Variants in DPYD observed in about 807,000 individuals in gnomAD.
DPYD encodes the protein dihydropyrimidine dehydrogenase [NADP(+)].
Under a neutral mutation model 116.2 loss-of-function variants are expected in DPYD, and 109 were observed. That is an observed-to-expected ratio of 0.94 (90% CI 0.80 to 1.10). The LOEUF is 1.10. Among genes scored for constraint, DPYD ranks in the 50% least tolerant of loss-of-function variants. The pLI, the probability that DPYD is intolerant of heterozygous loss-of-function variation, is 0.00. For synonymous variants in DPYD, 440 were observed against 432.0 expected (o/e 1.02, Z -0.23); for missense variants, 1,302 against 1,254.5 (o/e 1.04, Z -0.57).
chr1:97,496,144 T>C (rs1210110581), intron 13 of DPYD, among the ~76,000 whole-genome samples: 1 of 152,056 alleles, frequency 6.6e-6, no homozygotes. Flanking sequence ...ACTTCTCTCT[T>C]CCCATATCTA....
chr1:97,408,743 G>A (rs1015191804), intron 14 of DPYD, among the ~76,000 whole-genome samples: 1 of 152,126 alleles, frequency 6.6e-6, no homozygotes, highest in African/African-American at 2.4e-5. Context: ...CTCAATCTGG[G>A]TAGGCACCAT....
At chr1:97,866,437 T>G (rs1173173385) in intron 2 of DPYD, among the ~76,000 whole-genome samples, 1 of 151,982 alleles carries the variant, frequency 6.6e-6, no homozygotes, top group African/African-American at 2.4e-5. Context: ...TGACTGTATT[T>G]TTTATATCAT....
Position 97,610,362 on chromosome 1 carries a change from G to A in DPYD, c.851-15196C>T, listed in dbSNP as rs373104725. On this transcript the variant is annotated intron_variant, in intron 8 of 22. Transcript: ENST00000370192. ...CACATTGAGCTGTGATACCACAGCC[G>A]ACTCCCTTGTGTGACCTGTGATCAA... Among the ~76,000 whole-genome samples, 29 of 152,094 alleles carry A rather than the reference G, an allele frequency of 1.9e-4. No homozygotes were observed. The East Asian group carries it at 1.9e-3, about 10-fold the overall frequency.
chr1:97,244,387 G>T (rs564226596), intron 18 of DPYD, among the ~76,000 whole-genome samples: 1 of 151,962 alleles, frequency 6.6e-6, no homozygotes, highest in South Asian at 2.1e-4. Flanking sequence ...ACAATTACCC[G>T]ACAACACAGC....
intron 18 of DPYD, among the ~76,000 whole-genome samples, chr1:97,257,065 A>G (rs1215408525): frequency 6.6e-6 from 1 of 152,086 alleles, no homozygotes; most frequent in Non-Finnish European, 1.5e-5. Context: ...CATACAAAAA[A>G]CAATGTGCTT....
intron 8 of DPYD, among the ~76,000 whole-genome samples, chr1:97,617,017 CA>C (rs1420041289): frequency 2.6e-5 from 4 of 152,112 alleles, no homozygotes; most frequent in Admixed American, 1.3e-4. Flanking sequence ...TCCTGGCCAA[CA>C]TGGTGAAAAC....
intron 18 of DPYD, 39 bp downstream of exon 18, chr1:97,305,220 C>A: frequency 1.9e-6 from 3 of 1,611,216 alleles, no homozygotes; most frequent in South Asian, 1.1e-5. Flanking sequence ...TTTCAGCAAC[C>A]TCCAAGAAAG....
chr1:97,385,224 A>T (rs768083171), intron 14 of DPYD, among the ~76,000 whole-genome samples: 2 of 146,040 alleles, frequency 1.4e-5, no homozygotes, highest in Non-Finnish European at 3.0e-5. Context: ...ACTATCAAAG[A>T]GGGCACCAGA....
At chr1:97,780,375 A>G (rs1364842568) in intron 3 of DPYD, among the ~76,000 whole-genome samples, 1 of 152,220 alleles carries the variant, frequency 6.6e-6, no homozygotes, top group Non-Finnish European at 1.5e-5. Context: ...AAAATTCACT[A>G]AAACTTGTTT....
chr1:97,881,122 C>T (rs1672197434), intron 2 of DPYD, among the ~76,000 whole-genome samples: 1 of 152,004 alleles, frequency 6.6e-6, no homozygotes, highest in Non-Finnish European at 1.5e-5. Flanking sequence ...TATATCTCCT[C>T]AAAAATCTTA....
intron 13 of DPYD, among the ~76,000 whole-genome samples, chr1:97,491,500 T>A (rs1678975616): frequency 6.6e-6 from 1 of 151,972 alleles, no homozygotes; most frequent in Admixed American, 6.6e-5. Context: ...TTTTTTAAGC[T>A]GATTTTGAGG....
intron 1 of DPYD, among the ~76,000 whole-genome samples, chr1:97,887,087 A>C (rs1672533904): frequency 6.6e-6 from 1 of 151,998 alleles, no homozygotes; most frequent in African/African-American, 2.4e-5. Context: ...ACCTGATAAA[A>C]CCAGGGACAC....
intron 20 of DPYD, among the ~76,000 whole-genome samples, chr1:97,144,847 C>A (rs1361482209): frequency 6.6e-6 from 1 of 152,180 alleles, no homozygotes; most frequent in African/African-American, 2.4e-5. Flanking sequence ...TCTTACAAAT[C>A]ACTTTCTTAT....
intron 16 of DPYD, among the ~76,000 whole-genome samples, chr1:97,333,517 ATTT>A (rs778577478): frequency 2.1e-5 from 2 of 97,040 alleles, no homozygotes; most frequent in African/African-American, 4.2e-5. Flanking sequence ...AAGTCTTAGG[ATTT>A]TTTTTTTTTT....
chr1:97,911,386 A>T (rs1673927172), intron 1 of DPYD, among the ~76,000 whole-genome samples: 1 of 152,126 alleles, frequency 6.6e-6, no homozygotes, highest in East Asian at 1.9e-4. Context: ...GAAAAGACAG[A>T]GCCTTAAGCA....
intron 18 of DPYD, among the ~76,000 whole-genome samples, chr1:97,240,604 G>A (rs983601280): frequency 6.6e-6 from 1 of 151,966 alleles, no homozygotes; most frequent in Non-Finnish European, 1.5e-5. Context: ...AAAAGAAAAT[G>A]TAGTTTTAAT....
chr1:97,818,433 T>G (rs1480496452), intron 3 of DPYD, among the ~76,000 whole-genome samples: 2 of 152,056 alleles, frequency 1.3e-5, no homozygotes, highest in East Asian at 3.8e-4. Flanking sequence ...TAATCAATAT[T>G]TCTCACCTTT....
chr1:97,162,213 C>T (rs571578890), intron 20 of DPYD, among the ~76,000 whole-genome samples: 1 of 152,214 alleles, frequency 6.6e-6, no homozygotes, highest in South Asian at 2.1e-4. Flanking sequence ...TCCTATTTGT[C>T]CACATCCTCT....
intron 8 of DPYD, among the ~76,000 whole-genome samples, chr1:97,640,374 T>C (rs1657818947): frequency 6.6e-6 from 1 of 152,142 alleles, no homozygotes; most frequent in African/African-American, 2.4e-5. Context: ...AATGGCACCA[T>C]CTCAGCTCAC....
Sources: allele counts gnomAD v4.1 joint callset (sites outside exome capture counted in the v4.1 genomes callset), GRCh38; gene constraint gnomAD v4.1.1; transcripts MANE v1.5; gene names NCBI Gene and HGNC (gene_info 2026-07-23, HGNC 2026-07-21).